The following SEMA3A variants were observed in gnomAD, a reference collection of about 807,000 sequenced individuals.
SEMA3A encodes semaphorin-3A.
SEMA3A carries 29 observed loss-of-function variants against 97.9 expected under a neutral mutation model. The ratio of observed to expected loss-of-function variants is 0.30; its 90% confidence interval spans 0.22 to 0.40. The LOEUF (loss-of-function observed/expected upper bound fraction) is 0.40. SEMA3A is among the 10% of genes least tolerant of loss of function. SEMA3A has a pLI of 1.00. For synonymous variants in SEMA3A, 321 were observed against 323.7 expected (o/e 0.99, Z 0.09); for missense variants, 763 against 951.3 (o/e 0.80, Z 2.60).
chr7:83,987,141 C>T (rs973473879), intron 12 of SEMA3A, among the ~76,000 whole-genome samples: 11 of 150,298 alleles, frequency 7.3e-5, no homozygotes, highest in Admixed American at 6.0e-4. Context: ...TATATAGATA[C>T]ATATAATTAA....
intron 3 of SEMA3A, among the ~76,000 whole-genome samples, chr7:84,266,313 C>CAAA (rs57809084): frequency 1.6e-4 from 11 of 70,472 alleles, no homozygotes; most frequent in Admixed American, 4.3e-4. Flanking sequence ...GATTTGGTCT[C>CAAA]AAAAAAAAAA....
rs1465172745 is a variant in SEMA3A at position 84,064,423 on chromosome 7, T to G, written c.454-3865A>C. On this transcript the variant is annotated intron_variant, in intron 4 of 16. Coordinates refer to ENST00000265362, the MANE Select transcript of SEMA3A (RefSeq NM_006080.3). Reference sequence around the variant, plus strand: ...GGATCAAATTCACACATAACAATATTAACTTTAAATGTAAATGGACTAAAT... The same window carrying G: ...GGATCAAATTCACACATAACAATATGAACTTTAAATGTAAATGGACTAAAT... Among the ~76,000 whole-genome samples the G allele has an allele frequency of 7.9e-3, 1,199 of 151,550 alleles. 9 individuals are homozygous for G. Among genetic ancestry groups the G allele is most frequent in the African/African-American group, 0.027 (1,107 of 40,922 alleles).
intron 1 of SEMA3A, among the ~76,000 whole-genome samples, chr7:84,386,254 G>T (rs917502817): frequency 5.3e-5 from 8 of 152,080 alleles, no homozygotes; most frequent in African/African-American, 1.9e-4. Flanking sequence ...TGCAACAAAG[G>T]CTTATTTCTG....
chr7:84,037,694 T>A (rs1461846935), intron 6 of SEMA3A, among the ~76,000 whole-genome samples: 2 of 152,056 alleles, frequency 1.3e-5, no homozygotes, highest in Non-Finnish European at 2.9e-5. Flanking sequence ...CCCATATTAA[T>A]TTATAAAATT....
chr7:84,286,532 G>A (rs1031487613), intron 3 of SEMA3A, among the ~76,000 whole-genome samples: 3 of 152,112 alleles, frequency 2.0e-5, no homozygotes, highest in Admixed American at 2.0e-4. Context: ...TAGTTTGATG[G>A]ATTCATATTT....
At chr7:84,310,565 A>G (rs1290142393) in intron 2 of SEMA3A, among the ~76,000 whole-genome samples, 2 of 151,990 alleles carry the variant, frequency 1.3e-5, no homozygotes, top group Non-Finnish European at 2.9e-5. Context: ...CTTTTCTTTG[A>G]TCCTGGTGTT....
intron 3 of SEMA3A, among the ~76,000 whole-genome samples, chr7:84,233,482 A>T (rs976436079): frequency 1.3e-5 from 2 of 152,056 alleles, no homozygotes; most frequent in Admixed American, 1.3e-4. Context: ...GTATAATAAA[A>T]TTTCACAGGA....
At chr7:84,050,022 T>C (rs1299269591) in intron 5 of SEMA3A, among the ~76,000 whole-genome samples, 2 of 151,538 alleles carry the variant, frequency 1.3e-5, no homozygotes, top group South Asian at 2.1e-4. Flanking sequence ...GTTTCATCCA[T>C]GTCCCTACAA....
rs370275809 is a variant in SEMA3A at position 84,351,913 on chromosome 7, C to G, written c.-169+19911G>C. Among the ~76,000 whole-genome samples, 11 of 152,074 alleles carry G rather than the reference C, an allele frequency of 7.2e-5. No homozygotes were observed. In the East Asian group the frequency reaches 1.4e-3, roughly 19 times the overall value. ...GGAAATCAGTATATCAAAGGGATAT[C>G]TGCATTCCCATGTTTATTGCAGCAC... On this transcript the variant is annotated intron_variant, in intron 2 of 3. Transcript: ENST00000424555.
At chr7:84,057,064 T>C (rs914237855) in intron 5 of SEMA3A, among the ~76,000 whole-genome samples, 5 of 152,022 alleles carry the variant, frequency 3.3e-5, no homozygotes, top group Admixed American at 3.3e-4. Context: ...ACTTAGAGAG[T>C]TCCTTATTTG....
At chr7:83,990,068 GTGA>G (rs1260552155) in intron 12 of SEMA3A, among the ~76,000 whole-genome samples, 1 of 151,954 alleles carries the variant, frequency 6.6e-6, no homozygotes, top group African/African-American at 2.4e-5. Flanking sequence ...CTGATGGCCA[GTGA>G]TGATGAGCAT....
chr7:84,201,605 C>G (rs1798359621), intron 3 of SEMA3A, among the ~76,000 whole-genome samples: 1 of 151,968 alleles, frequency 6.6e-6, no homozygotes, highest in African/African-American at 2.4e-5. Flanking sequence ...TAGAAAATGC[C>G]TTGTTTATTA....
intron 1 of SEMA3A, among the ~76,000 whole-genome samples, chr7:84,472,073 C>T (rs1183892304): frequency 2.0e-5 from 3 of 151,768 alleles, no homozygotes; most frequent in African/African-American, 4.8e-5. Context: ...GATTACTTAA[C>T]CTAAAATGAG....
chr7:84,132,015 G>A (rs563004570), intron 2 of SEMA3A, among the ~76,000 whole-genome samples: 1 of 152,054 alleles, frequency 6.6e-6, no homozygotes, highest in Non-Finnish European at 1.5e-5. Context: ...GTTTCACTAT[G>A]TTGCACAGGC....
At chr7:84,418,942 TACACATATATATATAC>T (rs1370255536) in intron 1 of SEMA3A, among the ~76,000 whole-genome samples, 1 of 149,502 alleles carries the variant, frequency 6.7e-6, no homozygotes, top group Non-Finnish European at 1.5e-5. Flanking sequence ...TACATATATC[TACACATATATATATAC>T]ACACACACAT....
chr7:83,968,804 C>CTTTTTTTTTTTTTT (rs34837012), intron 15 of SEMA3A, among the ~76,000 whole-genome samples: 2 of 86,984 alleles, frequency 2.3e-5, no homozygotes, highest in Non-Finnish European at 4.2e-5. Flanking sequence ...CTTTTCTTTC[C>CTTTTTTTTTTTTTT]TTTTTTTTTT....
chr7:84,078,928 GA>G (rs1794051898), intron 4 of SEMA3A, among the ~76,000 whole-genome samples: 1 of 151,990 alleles, frequency 6.6e-6, no homozygotes, highest in South Asian at 2.1e-4. Context: ...GATACTAAGT[GA>G]CTTCTTTTGC....
chr7:84,185,000 G>A (rs1447986560), intron 1 of SEMA3A, among the ~76,000 whole-genome samples: 1 of 152,116 alleles, frequency 6.6e-6, no homozygotes, highest in African/African-American at 2.4e-5. Flanking sequence ...AGCAAAGGGA[G>A]AGACTGTCTC....
At chr7:84,273,260 A>G (rs1800198705) in intron 3 of SEMA3A, among the ~76,000 whole-genome samples, 1 of 152,076 alleles carries the variant, frequency 6.6e-6, no homozygotes, top group Non-Finnish European at 1.5e-5. Context: ...AAGGCCAACC[A>G]CATGCTAGGA....
Sources: allele counts gnomAD v4.1 joint callset (sites outside exome capture counted in the v4.1 genomes callset), GRCh38; gene constraint gnomAD v4.1.1; transcripts MANE v1.5; gene names NCBI Gene and HGNC (gene_info 2026-07-23, HGNC 2026-07-21).